The following LRRIQ1 variants were observed in gnomAD, a reference collection of about 807,000 sequenced individuals.
LRRIQ1 encodes leucine rich repeats and IQ motif containing 1.
Under a neutral mutation model 211.9 loss-of-function variants are expected in LRRIQ1, and 210 were observed. The ratio of observed to expected loss-of-function variants is 0.99; its 90% confidence interval spans 0.89 to 1.11. The LOEUF is 1.11. Among genes scored for constraint, LRRIQ1 ranks in the 50% most tolerant of loss-of-function variants. The pLI, the probability that LRRIQ1 is intolerant of heterozygous loss-of-function variation, is 0.00. For missense variants in LRRIQ1, 2,136 were observed against 1,939.5 expected (o/e 1.10, Z -1.90); for synonymous variants, 699 against 650.1 (o/e 1.08, Z -1.14).
rs1282193227 is a variant in LRRIQ1, at chr12:85,237,715, A to C, written c.5016+4959A>C. 2.0e-5 allele frequency among the ~76,000 whole-genome samples: 3 copies of C among 152,228 alleles called. No homozygotes were observed. In the East Asian group the frequency reaches 5.8e-4, roughly 29 times the overall value. ...GCCCTGGATTAAAAAACTCCTCTAG[A>C]TCCACATAGTAAAACATAAATGTAA... On this transcript the variant is annotated intron_variant, in intron 26 of 26. Transcript: ENST00000393217.
chr12:85,074,736 G>A (rs1363531249), intron 11 of LRRIQ1, among the ~76,000 whole-genome samples: 2 of 151,878 alleles, frequency 1.3e-5, no homozygotes, highest in Non-Finnish European at 2.9e-5. Flanking sequence ...GTAAAACTGT[G>A]TTTTCTATAT....
At chr12:85,133,226 T>C (rs1592856204) in intron 18 of LRRIQ1, among the ~76,000 whole-genome samples, 1 of 152,142 alleles carries the variant, frequency 6.6e-6, no homozygotes, top group African/African-American at 2.4e-5. Flanking sequence ...CCTTTACAAA[T>C]AATTTTGACC....
intron 1 of LRRIQ1, among the ~76,000 whole-genome samples, chr12:85,261,767 T>TTATTTATG (rs1266324188): frequency 7.3e-5 from 10 of 137,374 alleles, no homozygotes; most frequent in Non-Finnish European, 1.5e-4. Flanking sequence ...TTTGTTTATT[T>TTATTTATG]TATTTATTTA....
Position 85,056,581 on chromosome 12 carries a change from A to G in LRRIQ1, c.1788A>G (p.Gly596=). The G allele has an allele frequency of 1.3e-6, 2 of 1,598,328 alleles. No homozygotes were observed. The highest frequency in any genetic ancestry group is 1.7e-6 in the Non-Finnish European group (2 of 1,172,472). The change falls in exon 8 of 27, where the codon GGA becomes GGG. Residue 596 remains glycine, a synonymous_variant. Transcript: ENST00000393217. The stretch of plus-strand genomic sequence containing the variant: ...AAGAAGAGATACAAGAACAGAATGG[A>G]TTATTATATAAAGATAAGGATACTT... ...VEKEEIQEQN[G]LLYKDKDTLV... is the part of the protein sequence containing the mutation.
At chr12:85,149,866 A>G (rs1890123302) in intron 19 of LRRIQ1, among the ~76,000 whole-genome samples, 1 of 151,722 alleles carries the variant, frequency 6.6e-6, no homozygotes, top group South Asian at 2.1e-4. Flanking sequence ...GTTTCTATAA[A>G]CTTTCTATTC....
chr12:85,144,510 G>C (rs1352036230), intron 19 of LRRIQ1, among the ~76,000 whole-genome samples: 2 of 151,614 alleles, frequency 1.3e-5, no homozygotes, highest in Admixed American at 6.6e-5. Flanking sequence ...TGAAAATAAA[G>C]TGAGGGAATA....
At position 85,217,193 on chromosome 12, in the gene LRRIQ1, A is replaced by G. The variant is rs572489409; in HGVS notation, c.4823-12324A>G. ...TAATAAAATGATATAAATGCACATA[A>G]TGGGAATTTCATTATGAACATATAG... On this transcript the variant is annotated intron_variant, in intron 24 of 26. Coordinates refer to ENST00000393217, the MANE Select transcript of LRRIQ1 (RefSeq NM_001079910.2). 2.0e-5 allele frequency among the ~76,000 whole-genome samples: 3 copies of G among 151,702 alleles called. No individual in the cohort carries two copies. The East Asian group carries it at 5.8e-4, about 29-fold the overall frequency.
Position 85,155,076 on chromosome 12 carries a change from A to G in LRRIQ1, c.4720+982A>G, listed in dbSNP as rs201093952. On this transcript the variant is annotated intron_variant, in intron 23 of 26. Transcript: ENST00000393217. Reference sequence around the variant, plus strand: ...AAGTGCTTTTGATTTTCAAGGAATAACTGATATTTATTGGCACATCACTGA... The same window carrying G: ...AAGTGCTTTTGATTTTCAAGGAATAGCTGATATTTATTGGCACATCACTGA... Among the ~76,000 whole-genome samples the G allele has an allele frequency of 2.0e-5, 3 of 151,612 alleles. No individual in the cohort carries two copies. The East Asian group carries it at 5.8e-4, about 29-fold the overall frequency.
At chr12:85,126,454 C>T (rs1177488618) in intron 17 of LRRIQ1, among the ~76,000 whole-genome samples, 2 of 152,086 alleles carry the variant, frequency 1.3e-5, no homozygotes, top group African/African-American at 2.4e-5. Context: ...ATTAAAGGTG[C>T]TTTGAAATCC....
intron 24 of LRRIQ1, among the ~76,000 whole-genome samples, chr12:85,210,019 G>T (rs1191885179): frequency 6.6e-6 from 1 of 151,968 alleles, no homozygotes. Context: ...TAATATACTA[G>T]CTATAATAAA....
chr12:85,117,020 G>A (rs1337761737), intron 15 of LRRIQ1, among the ~76,000 whole-genome samples: 1 of 151,938 alleles, frequency 6.6e-6, no homozygotes, highest in African/African-American at 2.4e-5. Flanking sequence ...GAACATTTGC[G>A]TGCATGTGGA....
At chr12:85,248,539 TCA>T (rs1895802351), downstream of LRRIQ1, among the ~76,000 whole-genome samples, 1 of 151,724 alleles carries the variant, frequency 6.6e-6, no homozygotes, top group Admixed American at 6.6e-5. Flanking sequence ...CATTACATTT[TCA>T]CAGTTAGTTG....
rs371026026 is a variant in LRRIQ1, at chr12:85,047,249, G to T, written c.457G>T (p.Asp153Tyr). ...LPMDEHVLPD[D>Y]ADINFGYCEV... ...GTTATTTTTCTTCATGAGTGCAGAT[G>T]ATGCTGATATAAATTTTGGATACTG... The change falls in exon 6 of 27, where the codon GAT becomes TAT. Residue 153 changes from aspartate to tyrosine, a missense_variant and splice_region_variant. By Grantham distance (160) the Asp-to-Tyr change is radical. Coordinates refer to ENST00000393217, the MANE Select transcript of LRRIQ1 (RefSeq NM_001079910.2). 6 of 1,585,684 alleles carry T rather than the reference G, an allele frequency of 3.8e-6. No homozygotes were observed. The African/African-American group carries it at 8.2e-5, about 22-fold the overall frequency.
intron 8 of LRRIQ1, among the ~76,000 whole-genome samples, chr12:85,062,615 G>C (rs1157600497): frequency 1.3e-5 from 2 of 151,440 alleles, no homozygotes; most frequent in East Asian, 3.9e-4. Context: ...TGAGCATCTG[G>C]GTTGATTCCA....
chr12:85,083,555 TCAGCC>T (rs1884510521), intron 11 of LRRIQ1, among the ~76,000 whole-genome samples: 2 of 151,950 alleles, frequency 1.3e-5, no homozygotes, highest in Non-Finnish European at 2.9e-5. Context: ...TTCTCCTGCC[TCAGCC>T]TCCCGAGTAG....
At chr12:85,066,089 T>C (rs911112902) in intron 9 of LRRIQ1, among the ~76,000 whole-genome samples, 3 of 151,898 alleles carry the variant, frequency 2.0e-5, no homozygotes, top group Non-Finnish European at 4.4e-5. Context: ...TATGCGAATA[T>C]TGGTTTCTGA....
chr12:85,221,121 G>T (rs1248381182), intron 24 of LRRIQ1, among the ~76,000 whole-genome samples: 2 of 151,910 alleles, frequency 1.3e-5, no homozygotes, highest in African/African-American at 2.4e-5. Context: ...CTGGTTTTGT[G>T]TTTAATTCCA....
chr12:85,106,608 A>T lies in LRRIQ1; in HGVS notation c.3370A>T (p.Asn1124Tyr). The T allele has an allele frequency of 1.2e-6, 2 of 1,607,432 alleles. No homozygotes were observed. Among genetic ancestry groups the T allele is most frequent in the Non-Finnish European group, 1.7e-6 (2 of 1,174,726 alleles). ...TGGAAACCCACTTCTTCAAGAAACA[A>T]ACTGGAGGTAAAGAGGCATTGTTGC... ...LTGNPLLQETNWRDSLLKVLP... is the reference protein window; with the variant it reads ...LTGNPLLQETYWRDSLLKVLP... The change falls in exon 15 of 27, where the codon AAC (asparagine) becomes TAC (tyrosine). Residue 1124 changes from asparagine (N) to tyrosine (Y), a missense_variant. By Grantham distance (143) the Asn-to-Tyr change is moderately radical. Coordinates refer to ENST00000393217, the MANE Select transcript of LRRIQ1 (RefSeq NM_001079910.2).
intron 24 of LRRIQ1, among the ~76,000 whole-genome samples, chr12:85,177,186 A>G (rs1311305956): frequency 6.6e-6 from 1 of 152,154 alleles, no homozygotes; most frequent in Non-Finnish European, 1.5e-5. Context: ...TTAATTCCTT[A>G]TCTTCCCTAT....
Sources: allele counts gnomAD v4.1 joint callset (sites outside exome capture counted in the v4.1 genomes callset), GRCh38; gene constraint gnomAD v4.1.1; transcripts MANE v1.5; gene names NCBI Gene and HGNC (gene_info 2026-07-23, HGNC 2026-07-21).